The following YTHDC2 variants were observed in gnomAD, a reference collection of about 807,000 sequenced individuals.
YTHDC2 encodes YTH N6-methyladenosine RNA binding protein C2.
YTHDC2 carries 45 observed loss-of-function variants against 174.9 expected under a neutral mutation model. The observed-to-expected ratio is 0.26, with a 90% CI of 0.20 to 0.33. YTHDC2 has a LOEUF of 0.33. YTHDC2 is among the 10% of genes least tolerant of loss of function. The pLI is 1.00. For missense variants in YTHDC2, 1,650 were observed against 1,723.7 expected, an observed-to-expected ratio of 0.96 and a Z score of 0.76; for synonymous variants, 657 against 574.5, an observed-to-expected ratio of 1.14 and a Z score of -2.05.
chr5:113,563,978 G>T lies in YTHDC2; in HGVS notation c.2562G>T (p.Leu854=). The change falls in exon 20 of 30, where the codon CTG becomes CTT. Residue 854 remains leucine (L), a synonymous_variant. Coordinates refer to ENST00000161863, the MANE Select transcript of YTHDC2 (RefSeq NM_022828.5). ...TGTGTGCTGTTGTTTTAAAGTGTCT[G>T]GACCCCATCCTTACAATTGCTTGCA... is the stretch of plus-strand genomic sequence containing the variant. ...MVLCAVVLKC[L]DPILTIACTL... 6.2e-7 allele frequency: 1 copy of T among 1,614,082 alleles called. No homozygotes were observed. Among genetic ancestry groups the T allele is most frequent in the Non-Finnish European group, 8.5e-7 (1 of 1,180,006 alleles).
chr5:113,542,999 T>C (rs1003584358), intron 10 of YTHDC2, among the ~76,000 whole-genome samples: 2 of 152,174 alleles, frequency 1.3e-5, no homozygotes, highest in African/African-American at 4.8e-5. Context: ...CTTGGCAAGA[T>C]CTTTTTCTTT....
rs531652081 is a variant in YTHDC2, at chr5:113,513,703, C to T, written c.-193C>T. The T allele has an allele frequency of 2.4e-4, 157 of 641,934 alleles. 1 individual carries two copies. In the South Asian group the frequency reaches 2.7e-3, roughly 11 times the overall value. The allele number at this position is 641,934 out of a possible 1,614,324, so 39.8% of individuals were successfully genotyped here. On this transcript the variant is annotated 5_prime_UTR_variant, in exon 1 of 30. Coordinates refer to ENST00000161863, the MANE Select transcript of YTHDC2 (RefSeq NM_022828.5). ...ACGTCATTACGCCCGCGCTCCTCGC[C>T]TGGCCGTGATATCAATGGCGCAGGC...
chr5:113,565,874 A>C lies in YTHDC2; in HGVS notation c.2716-19A>C, dbSNP rs768144376. On this transcript the variant is annotated intron_variant, in intron 20 of 29. Coordinates refer to ENST00000161863, the MANE Select transcript of YTHDC2 (RefSeq NM_022828.5). ...GATTAGTAAATGTGTCTTGTTATGC[A>C]ATTATTCTCTTTTTATAGGCCTGGC... 1 of 1,608,066 alleles carries C rather than the reference A, an allele frequency of 6.2e-7. No homozygotes were observed. Among genetic ancestry groups the C allele is most frequent in the Admixed American group, 1.7e-5 (1 of 58,710 alleles).
At chr5:113,566,739 ACAGT>A (rs567308798) in intron 21 of YTHDC2, among the ~76,000 whole-genome samples, 3 of 152,176 alleles carry the variant, frequency 2.0e-5, no homozygotes, top group South Asian at 4.1e-4. Flanking sequence ...GTTGTTAATA[ACAGT>A]CAGAAGAATG....
intron 17 of YTHDC2, among the ~76,000 whole-genome samples, chr5:113,557,436 G>A (rs1776686989): frequency 6.6e-6 from 1 of 152,112 alleles, no homozygotes. Flanking sequence ...TATGTCAGTT[G>A]TTTTCTTATG....
intron 7 of YTHDC2, among the ~76,000 whole-genome samples, chr5:113,537,361 CTT>C (rs139190695): frequency 0.11 from 13,429 of 124,532 alleles, 476 homozygotes; most frequent in African/African-American, 0.18. Flanking sequence ...GGCTCTCTCT[CTT>C]TTTTTTTTTT....
intron 17 of YTHDC2, among the ~76,000 whole-genome samples, chr5:113,560,324 A>G (rs1439546339): frequency 6.6e-6 from 1 of 152,196 alleles, no homozygotes; most frequent in Non-Finnish European, 1.5e-5. Flanking sequence ...CATCACTTAC[A>G]AAAGTGTCTT....
chr5:113,546,241 G>T (rs563649646), intron 10 of YTHDC2, among the ~76,000 whole-genome samples: 1 of 152,290 alleles, frequency 6.6e-6, no homozygotes, highest in African/African-American at 2.4e-5. Flanking sequence ...AAGTATTTAA[G>T]TATTATCCTT....
At chr5:113,556,202 C>T in intron 17 of YTHDC2, 68 bp downstream of exon 17, 1 of 768,688 alleles carries the variant, frequency 1.3e-6, no homozygotes, top group Non-Finnish European at 2.1e-6. Context: ...ATGCATTACA[C>T]ATTTATCATA....
chr5:113,591,347 A>G, intron 27 of YTHDC2, 103 bp downstream of exon 27: 1 of 1,173,924 alleles, frequency 8.5e-7, no homozygotes, highest in Middle Eastern at 2.6e-4. Flanking sequence ...AGAATGCAAG[A>G]ATGCCTTTTG....
chr5:113,536,884 C>T lies in YTHDC2; in HGVS notation c.1102+1086C>T, dbSNP rs1393914439. ...TATAAACATGAGCACATGGCTAATA[C>T]ATTATTTGCAATTTGCTTTATCATG... is the stretch of plus-strand genomic sequence containing the variant. On this transcript the variant is annotated intron_variant, in intron 7 of 29. Transcript: ENST00000161863. 3.3e-5 allele frequency among the ~76,000 whole-genome samples: 5 copies of T among 152,182 alleles called. No homozygotes were observed. In the East Asian group the frequency reaches 7.7e-4, roughly 23 times the overall value.
chr5:113,517,489 G>T, intron 2 of YTHDC2: 1 of 454,010 alleles, frequency 2.2e-6, no homozygotes, highest in Non-Finnish European at 4.4e-6. Flanking sequence ...GATCTGGAAT[G>T]AATAGATATC....
At chr5:113,563,567 C>A in intron 19 of YTHDC2, 75 bp downstream of exon 19, 1 of 1,446,774 alleles carries the variant, frequency 6.9e-7, no homozygotes, top group Non-Finnish European at 9.3e-7. Context: ...TATGTCTTAA[C>A]TAATTTTGTA....
intron 25 of YTHDC2, 183 bp downstream of exon 25, chr5:113,581,892 A>G (rs1020446721): frequency 8.8e-6 from 4 of 455,934 alleles, no homozygotes; most frequent in African/African-American, 2.0e-5. Flanking sequence ...TCTAAGTATT[A>G]AGGTAATATG....
intron 16 of YTHDC2, among the ~76,000 whole-genome samples, chr5:113,555,723 G>A (rs1776564253): frequency 6.6e-6 from 1 of 152,086 alleles, no homozygotes; most frequent in Non-Finnish European, 1.5e-5. Context: ...TGACCTCAAG[G>A]GAATAGATCC....
chr5:113,520,645 C>T (rs1773800224), intron 2 of YTHDC2, among the ~76,000 whole-genome samples: 1 of 152,048 alleles, frequency 6.6e-6, no homozygotes, highest in African/African-American at 2.4e-5. Flanking sequence ...ACTCCCATGG[C>T]CTTAGTGCAC....
At chr5:113,514,121 A>AC (rs530299218) in intron 1 of YTHDC2, 39 bp downstream of exon 1, 2 of 1,581,540 alleles carry the variant, frequency 1.3e-6, no homozygotes, top group African/African-American at 2.7e-5. Context: ...CAGTCAGGAT[A>AC]CCCCCCTCAC....
intron 10 of YTHDC2, among the ~76,000 whole-genome samples, chr5:113,547,804 A>G (rs1775990737): frequency 6.6e-6 from 1 of 152,198 alleles, no homozygotes; most frequent in African/African-American, 2.4e-5. Flanking sequence ...CTGTATATGA[A>G]AGATTAAAAT....
At chr5:113,518,037 C>T (rs538298129) in intron 2 of YTHDC2, among the ~76,000 whole-genome samples, 1 of 152,016 alleles carries the variant, frequency 6.6e-6, no homozygotes, top group Non-Finnish European at 1.5e-5. Context: ...TACAGGCGCC[C>T]ACCACCACGC....
Sources: allele counts gnomAD v4.1 joint callset (sites outside exome capture counted in the v4.1 genomes callset), GRCh38; gene constraint gnomAD v4.1.1; transcripts MANE v1.5; gene names NCBI Gene and HGNC (gene_info 2026-07-23, HGNC 2026-07-21).